Variants in TAF5L observed in about 807,000 individuals in gnomAD.
TAF5L encodes TATA-box binding protein associated factor 5 like.
TAF5L carries 7 observed loss-of-function variants against 51.3 expected under a neutral mutation model. The observed-to-expected ratio is 0.14, with a 90% CI of 0.08 to 0.26. The LOEUF is 0.26. Among genes scored for constraint, TAF5L ranks in the 10% least tolerant of loss-of-function variants. TAF5L has a pLI of 1.00. For missense variants in TAF5L, 575 were observed against 758.9 expected (o/e 0.76, Z 2.85); for synonymous variants, 291 against 308.1 (o/e 0.94, Z 0.58).
intron 4 of TAF5L, among the ~76,000 whole-genome samples, chr1:229,596,086 G>T (rs1008612362): frequency 2.0e-5 from 3 of 152,134 alleles, no homozygotes; most frequent in Non-Finnish European, 4.4e-5. Context: ...ACCAGCCTGG[G>T]AAACATAGGG....
chr1:229,601,677 C>T, intron 4 of TAF5L: 1 of 990,752 alleles, frequency 1.0e-6, no homozygotes, highest in Non-Finnish European at 1.2e-6. Context: ...ATGCACTGGC[C>T]TCAGAAAGCC....
chr1:229,602,423 T>G lies in TAF5L; in HGVS notation c.744A>C (p.Arg248=), dbSNP rs3753886. Residue 248 remains arginine, a synonymous_variant, in exon 4 of 5, where the codon CGA becomes CGC. Coordinates refer to ENST00000258281, the Ensembl canonical transcript of TAF5L. This position sits in a 1 kb window ranked among gnomAD's most constrained non-coding sequence, Gnocchi z 4.6. ...TGAGGGAGGGAGGCCCATCCTTGAC[T>G]CGCTTAATGCTCTCCTGTAAGACCT... The G allele has an allele frequency of 0.53, 851,233 of 1,613,782 alleles. 227,411 individuals carry two copies. The highest frequency in any genetic ancestry group is 0.8 in the East Asian group (35,737 of 44,876).
Position 229,594,705 on chromosome 1 carries a change from G to A in TAF5L, c.1362C>T (p.Ser454=), listed in dbSNP as rs2295625. 697,995 of 1,613,918 alleles carry A rather than the reference G, an allele frequency of 0.43. 156,422 individuals are homozygous for A. Among genetic ancestry groups the A allele is most frequent in the Non-Finnish European group, 0.46 (548,087 of 1,179,990 alleles). Reference sequence around the variant, plus strand: ...GCCTCACCGAGTTCCCCTGCTGAGCGCTCCACAGCCGGACGGTCTTGTCGG... The same window carrying A: ...GCCTCACCGAGTTCCCCTGCTGAGCACTCCACAGCCGGACGGTCTTGTCGG... The change falls in exon 5 of 5, where the codon AGC becomes AGT. Residue 454 remains serine, a synonymous_variant. Coordinates refer to ENST00000258281, the Ensembl canonical transcript of TAF5L. This position sits in a 1 kb window ranked among gnomAD's most constrained non-coding sequence, Gnocchi z 7.9.
intron 4 of TAF5L, chr1:229,599,435 G>C (rs1244938254): frequency 6.1e-6 from 1 of 164,218 alleles, no homozygotes; most frequent in Non-Finnish European, 1.3e-5. Flanking sequence ...CCCATTAGCG[G>C]TCACTCTCAT....
At chr1:229,607,111 A>C in intron 3 of TAF5L, 1 of 984,950 alleles carries the variant, frequency 1.0e-6, no homozygotes. Flanking sequence ...ACAAACATAA[A>C]CCCTTCTGAC....
At chr1:229,600,381 A>C in intron 4 of TAF5L, 1 of 985,412 alleles carries the variant, frequency 1.0e-6, no homozygotes, top group Non-Finnish European at 1.2e-6. Flanking sequence ...AGTATGAACC[A>C]TGATGGAAAG....
chr1:229,616,372 A>AT (rs59814285), intron 1 of TAF5L, among the ~76,000 whole-genome samples: 3 of 150,546 alleles, frequency 2.0e-5, no homozygotes, highest in South Asian at 4.2e-4. Flanking sequence ...TTATTTATTT[A>AT]TATTTTTTTT....
chr1:229,602,018 A>G lies in TAF5L; in HGVS notation c.972+177T>C. 7.0e-7 allele frequency: 1 copy of G among 1,435,606 alleles called. No homozygotes were observed. The highest frequency in any genetic ancestry group is 9.1e-7 in the Non-Finnish European group (1 of 1,096,272). The allele number at this position is 1,435,606 out of a possible 1,614,324, so 88.9% of individuals were successfully genotyped here. On this transcript the variant is annotated intron_variant, in intron 4 of 4. Transcript: ENST00000258281. This position sits in a 1 kb window ranked among gnomAD's most constrained non-coding sequence, Gnocchi z 4.6. ...TAATGCTGCTAAAAATTGTTTTTGC[A>G]TCTTAGGTTAGGCATGTGCAGGAAT...
In TAF5L at chr1:229,594,990, A is replaced by G. The variant is rs941841156; in HGVS notation, c.1077T>C (p.Ser359=). 6.8e-6 allele frequency: 11 copies of G among 1,614,118 alleles called. No individual in the cohort carries two copies. In the African/African-American group the frequency reaches 1.2e-4, roughly 18 times the overall value. ...ATCTGATGGACATGTCTTCAGAACA[A>G]GAGAGCAACCCTGAGCTGTCCGCGA... Residue 359 remains serine, a synonymous_variant, in exon 5 of 5, where the codon TCT becomes TCC. Coordinates refer to ENST00000258281, the Ensembl canonical transcript of TAF5L. This position sits in a 1 kb window ranked among gnomAD's most constrained non-coding sequence, Gnocchi z 7.9.
rs1371186708 is a variant in TAF5L, at chr1:229,598,705, TTC to T, written c.972+3488_972+3489del. The stretch of plus-strand genomic sequence containing the variant: ...TTGGATATCTCTTTTTTTTTTTTTT[TTC>T]TTTTTTTTTGAGACAGAATCTCACT... On this transcript the variant is annotated intron_variant, in intron 4 of 4. Coordinates refer to ENST00000258281, the Ensembl canonical transcript of TAF5L. 6.1e-5 allele frequency among the ~76,000 whole-genome samples: 9 copies of T among 147,444 alleles called. No individual in the cohort carries two copies. In the South Asian group the frequency reaches 1.7e-3, roughly 28 times the overall value.
At chr1:229,624,367 G>A (rs915632077) in intron 1 of TAF5L, among the ~76,000 whole-genome samples, 7 of 152,166 alleles carry the variant, frequency 4.6e-5, no homozygotes, top group Admixed American at 3.3e-4. Flanking sequence ...AAGGCAGGAA[G>A]AATTTACGAT....
At chr1:229,595,135 A>G in intron 4 of TAF5L, 41 bp from the exon 5 acceptor site, 1 of 1,530,492 alleles carries the variant, frequency 6.5e-7, no homozygotes, top group Non-Finnish European at 8.8e-7. Flanking sequence ...AACACACACA[A>G]AAAATGTTCA....
chr1:229,604,784 C>T (rs1156716971), intron 3 of TAF5L, among the ~76,000 whole-genome samples: 1 of 152,156 alleles, frequency 6.6e-6, no homozygotes, highest in Non-Finnish European at 1.5e-5. Context: ...TACCAGCAAC[C>T]ACCATGTGAC....
chr1:229,605,993 A>G (rs1664584211), intron 3 of TAF5L: 1 of 354,456 alleles, frequency 2.8e-6, no homozygotes, highest in African/African-American at 2.2e-5. Flanking sequence ...GGGATGAAGG[A>G]TTGTTTTCAA....
Position 229,614,474 on chromosome 1 carries a change from T to C in TAF5L, c.9A>G (p.Arg3=), listed in dbSNP as rs1260415887. 7 of 1,614,074 alleles carry C rather than the reference T, an allele frequency of 4.3e-6. No homozygotes were observed. In the Admixed American group the frequency reaches 5.0e-5, roughly 12 times the overall value. ...CCATCTGAATCTGCTCGGTACGCAC[T>C]CGTTTCATGACCTTCAAGGGAGGCA... The change falls in exon 2 of 5, where the codon CGA becomes CGG. Residue 3 remains arginine (R), a synonymous_variant. Coordinates refer to ENST00000258281, the Ensembl canonical transcript of TAF5L.
rs35970537 is a variant in TAF5L, at chr1:229,610,200, T to C, written c.153A>G (p.Glu51=). Residue 51 remains glutamate (E), a synonymous_variant, in exon 3 of 5, where the codon GAA becomes GAG. Transcript: ENST00000258281. ...CAGACACTATGTTGGCACAACCAGA[T>C]TCTGATTGCACTAAAGAGGAGAAGA... 1.6e-3 allele frequency: 2,633 copies of C among 1,614,124 alleles called. 41 individuals are homozygous for C. In the African/African-American group the frequency reaches 0.032, roughly 20 times the overall value.
Position 229,625,688 on chromosome 1 carries a change from CG to C in TAF5L, c.-4+196del, listed in dbSNP as rs1461372334. On this transcript the variant is annotated intron_variant, in intron 1 of 4. Transcript: ENST00000258281. This position sits in a 1 kb window ranked among gnomAD's most constrained non-coding sequence, Gnocchi z 4.0. ...AGCCCGGGACTCGGGAGGCCGAGGG[CG>C]GAGGCGCGGCCGTCGCGCCCGCGCA... is the stretch of plus-strand genomic sequence containing the variant. Among the ~76,000 whole-genome samples, 1 of 148,526 alleles carries C rather than the reference CG, an allele frequency of 6.7e-6. No homozygotes were observed. Among genetic ancestry groups the C allele is most frequent in the Admixed American group, 6.7e-5 (1 of 14,950 alleles).
chr1:229,599,647 T>C (rs527748744), intron 4 of TAF5L: 2 of 216,144 alleles, frequency 9.3e-6, no homozygotes, highest in East Asian at 1.8e-4. Context: ...AATATTCCAC[T>C]GCATGCACAC....
At chr1:229,600,999 G>T (rs1391166388) in intron 4 of TAF5L, 2 of 984,522 alleles carry the variant, frequency 2.0e-6, no homozygotes, top group Admixed American at 6.2e-5. Context: ...AAAGGGAACT[G>T]TCTCCAAGGA....
Sources: allele counts gnomAD v4.1 joint callset (sites outside exome capture counted in the v4.1 genomes callset), GRCh38; gene constraint gnomAD v4.1.1; non-coding constraint Gnocchi (gnomAD v3.1); transcripts MANE v1.5; gene names NCBI Gene and HGNC (gene_info 2026-07-23, HGNC 2026-07-21).